The following ZNF189 variants were observed in gnomAD, a reference collection of about 807,000 sequenced individuals.
The protein encoded by ZNF189 is zinc finger protein 189.
ZNF189 carries 33 observed loss-of-function variants against 53.5 expected under a neutral mutation model. The observed-to-expected ratio is 0.62, with a 90% CI of 0.47 to 0.82. The LOEUF (loss-of-function observed/expected upper bound fraction) is 0.82, where lower values mean the gene tolerates loss of function less well. Among genes scored for constraint, ZNF189 ranks in the 40% least tolerant of loss-of-function variants. The pLI, the probability that ZNF189 is intolerant of heterozygous loss-of-function variation, is 0.00. For missense variants in ZNF189, 711 were observed against 753.9 expected, an observed-to-expected ratio of 0.94 and a Z score of 0.67; for synonymous variants, 247 against 238.8, an observed-to-expected ratio of 1.03 and a Z score of -0.32.
intron 2 of ZNF189, among the ~76,000 whole-genome samples, chr9:101,401,920 C>CGTT (rs112917056): frequency 6.6e-6 from 1 of 150,840 alleles, no homozygotes. Context: ...AAATAAGTCC[C>CGTT]ATTTTTTTTT....
At position 101,409,292 on chromosome 9, in the gene ZNF189, T is replaced by G. The variant is rs746831041; in HGVS notation, c.1524T>G (p.Gly508=). The G allele has an allele frequency of 5.6e-6, 9 of 1,614,016 alleles. No homozygotes were observed. Among genetic ancestry groups the G allele is most frequent in the Non-Finnish European group, 6.8e-6 (8 of 1,180,016 alleles). Residue 508 remains glycine, a synonymous_variant, in exon 3 of 3, where the codon GGT becomes GGG. Transcript: ENST00000339664. ...TTGAACATCAGAGAATCCACACTGG[T>G]GAGAGACCCTATCTGTGCAGACAGT... The part of the protein sequence containing the change: ...FLIEHQRIHT[G]ERPYLCRQCG...
chr9:101,409,895 A>G lies in ZNF189; in HGVS notation c.*246A>G. The G allele has an allele frequency of 2.3e-6, 1 of 441,588 alleles. No individual in the cohort carries two copies. Among genetic ancestry groups the G allele is most frequent in the South Asian group, 3.0e-5 (1 of 32,794 alleles). The allele number at this position is 441,588 out of a possible 1,614,324, so 27.4% of individuals were successfully genotyped here. ...ATCTTTAATAAATCTTTCAGCAGAG[A>G]GATTAAACCTAGGTTCAGAGCATGG... On this transcript the variant is annotated 3_prime_UTR_variant, in exon 3 of 3. Coordinates refer to ENST00000339664, the MANE Select transcript of ZNF189 (RefSeq NM_003452.4).
intron 2 of ZNF189, among the ~76,000 whole-genome samples, chr9:101,406,779 G>A (rs988275495): frequency 1.3e-5 from 2 of 152,166 alleles, no homozygotes; most frequent in African/African-American, 4.8e-5. Flanking sequence ...TCCAGCAAGA[G>A]ATGGAAAATC....
chr9:101,407,075 T>A (rs1039660588), intron 2 of ZNF189, among the ~76,000 whole-genome samples: 5 of 152,260 alleles, frequency 3.3e-5, no homozygotes, highest in Non-Finnish European at 7.3e-5. Flanking sequence ...ATACTTATTT[T>A]ATTCTGCATC....
At chr9:101,407,812 G>T in intron 2 of ZNF189, 117 bp from the exon 3 acceptor site, 3 of 1,077,754 alleles carry the variant, frequency 2.8e-6, no homozygotes, top group Non-Finnish European at 3.9e-6. Flanking sequence ...TGTTTTCCTT[G>T]ATAGACTGAT....
At position 101,408,212 on chromosome 9, in the gene ZNF189, TAA is replaced by T; in HGVS notation, c.446_447del (p.Lys149MetfsTer2). On this transcript the variant is annotated frameshift_variant, in exon 3 of 3. Transcript: ENST00000339664. LOFTEE classifies it high-confidence loss of function. ...KRPNSEEKCH[K>X]CEECGKGFVR... ...GACCAAACTCAGAAGAGAAATGCCA[TAA>T]ATGTGAAGAATGTGGAAAGGGTTTT... 6.2e-7 allele frequency: 1 copy of T among 1,614,132 alleles called. No individual in the cohort carries two copies. Among genetic ancestry groups the T allele is most frequent in the Non-Finnish European group, 8.5e-7 (1 of 1,180,008 alleles).
Position 101,408,343 on chromosome 9 carries a change from T to C in ZNF189, c.575T>C (p.Ile192Thr), listed in dbSNP as rs1322155447. 9 of 1,614,052 alleles carry C rather than the reference T, an allele frequency of 5.6e-6. No individual in the cohort carries two copies. Among genetic ancestry groups the C allele is most frequent in the East Asian group, 2.2e-5 (1 of 44,880 alleles). Residue 192 changes from isoleucine (I) to threonine (T), a missense_variant, in exon 3 of 3, where the codon ATT becomes ACT. Ile to Thr is a moderately conservative substitution (Grantham distance 89). Transcript: ENST00000339664. ...GKSFSRSSFV[I>T]EHQRIHTGER... ...AGTTTTAGTCGCAGTTCATTTGTTA[T>C]TGAACATCAGAGAATTCACACTGGG...
chr9:101,408,859 G>A lies in ZNF189; in HGVS notation c.1091G>A (p.Arg364Lys). 6.2e-7 allele frequency: 1 copy of A among 1,614,146 alleles called. No individual in the cohort carries two copies. Among genetic ancestry groups the A allele is most frequent in the Non-Finnish European group, 8.5e-7 (1 of 1,180,020 alleles). ...SRSSFLIEHQ[R>K]IHTGERPYQC... ...AGCTCATTCCTTATTGAACATCAGA[G>A]GATCCATACTGGTGAAAGACCTTAT... is the stretch of plus-strand genomic sequence containing the variant. Residue 364 changes from arginine (R) to lysine (K), a missense_variant, in exon 3 of 3, where the codon AGG (arginine) becomes AAG (lysine). Coordinates refer to ENST00000339664, the MANE Select transcript of ZNF189 (RefSeq NM_003452.4).
chr9:101,409,708 GTA>G lies in ZNF189; in HGVS notation c.*61_*62del. Reference sequence around the variant, plus strand: ...AGACTAGTACCCAAGTGCAGTTTTAGTATGGCTCAACATGGGTCAGATTTAGT... The same window carrying G: ...AGACTAGTACCCAAGTGCAGTTTTAGTGGCTCAACATGGGTCAGATTTAGT... On this transcript the variant is annotated 3_prime_UTR_variant, in exon 3 of 3. Transcript: ENST00000339664. 1.3e-6 allele frequency: 2 copies of G among 1,524,436 alleles called. No individual in the cohort carries two copies. Among genetic ancestry groups the G allele is most frequent in the Non-Finnish European group, 1.8e-6 (2 of 1,141,862 alleles). 94.4% of individuals were successfully genotyped at this position (1,524,436 alleles called of 1,614,324 possible). A position where few individuals can be genotyped will look rare whatever the true frequency, so the allele number is the denominator to read the frequency against.
Position 101,406,842 on chromosome 9 carries a change from A to G in ZNF189, c.161-1087A>G, listed in dbSNP as rs117438344. ...GTACTATATGACACTCTGTTATATC[A>G]TAGACCACTGTGCTGTCTTTTCTTC... On this transcript the variant is annotated intron_variant, in intron 2 of 2. Transcript: ENST00000339664. 5.9e-3 allele frequency among the ~76,000 whole-genome samples: 901 copies of G among 152,330 alleles called. 1 individual carries two copies. The highest frequency in any genetic ancestry group is 9.5e-3 in the Non-Finnish European group (645 of 68,014).
chr9:101,401,311 C>T (rs1427458796), intron 2 of ZNF189, among the ~76,000 whole-genome samples: 2 of 152,168 alleles, frequency 1.3e-5, no homozygotes, highest in Non-Finnish European at 2.9e-5. Flanking sequence ...AGTAGTGAAG[C>T]TCACCTTCTG....
chr9:101,409,256 C>A lies in ZNF189; in HGVS notation c.1488C>A (p.Ser496Arg), dbSNP rs1288240626. ...CTVCGKSFSR[S>R]SFLIEHQRIH... is the part of the protein sequence containing the mutation. ...TCTGTGGGAAAAGCTTCAGCCGGAG[C>A]TCATTTCTTATTGAACATCAGAGAA... The change falls in exon 3 of 3, where the codon AGC (serine) becomes AGA (arginine). Residue 496 changes from serine (S) to arginine (R), a missense_variant. Coordinates refer to ENST00000339664, the MANE Select transcript of ZNF189 (RefSeq NM_003452.4). 6.2e-7 allele frequency: 1 copy of A among 1,613,434 alleles called. No individual in the cohort carries two copies.
intron 1 of ZNF189, chr9:101,399,638 G>T (rs1362252408): frequency 4.6e-6 from 6 of 1,296,452 alleles, no homozygotes; most frequent in Non-Finnish European, 6.0e-6. Flanking sequence ...AGAGGCCTTG[G>T]GGCAGTTTAC....
Position 101,410,121 on chromosome 9 carries a change from A to C in ZNF189, c.*472A>C, listed in dbSNP as rs915692832. Reference sequence around the variant, plus strand: ...AAGGAAACAAAGCCCAAATGTTTTTAAAACAAGTATACAGTTTTTGTCATT... The same window carrying C: ...AAGGAAACAAAGCCCAAATGTTTTTCAAACAAGTATACAGTTTTTGTCATT... On this transcript the variant is annotated 3_prime_UTR_variant, in exon 3 of 3. Coordinates refer to ENST00000339664, the MANE Select transcript of ZNF189 (RefSeq NM_003452.4). 1.3e-5 allele frequency: 2 copies of C among 154,084 alleles called. No homozygotes were observed. Among genetic ancestry groups the C allele is most frequent in the Non-Finnish European group, 2.9e-5 (2 of 69,328 alleles). 9.5% of individuals were successfully genotyped at this position (154,084 alleles called of 1,614,324 possible).
intron 1 of ZNF189, 25 bp from the exon 2 acceptor site, chr9:101,399,859 G>T: frequency 6.2e-7 from 1 of 1,613,728 alleles, no homozygotes; most frequent in South Asian, 1.1e-5. Context: ...AACAGGAACT[G>T]ACTACAGAAA....
rs748153603 is a variant in ZNF189, at chr9:101,408,320, T to C, written c.552T>C (p.Ser184=). The C allele has an allele frequency of 9.6e-5, 155 of 1,613,844 alleles. No homozygotes were observed. Among genetic ancestry groups the C allele is most frequent in the Non-Finnish European group, 1.3e-4 (151 of 1,179,980 alleles). The part of the protein sequence containing the change: ...KPFQCNECGK[S]FSRSSFVIEH... Reference sequence around the variant, plus strand: ...TTCAGTGCAATGAATGTGGGAAAAGTTTTAGTCGCAGTTCATTTGTTATTG... The same window carrying C: ...TTCAGTGCAATGAATGTGGGAAAAGCTTTAGTCGCAGTTCATTTGTTATTG... The change falls in exon 3 of 3, where the codon AGT becomes AGC. Residue 184 remains serine (S), a synonymous_variant. Coordinates refer to ENST00000339664, the MANE Select transcript of ZNF189 (RefSeq NM_003452.4).
chr9:101,407,558 T>TA (rs1182027986), intron 2 of ZNF189: 12 of 405,966 alleles, frequency 3.0e-5, no homozygotes, highest in Non-Finnish European at 5.2e-5. Flanking sequence ...TCTGGCTAAT[T>TA]AAAAAAAAAT....
chr9:101,402,537 A>C (rs1322261408), intron 2 of ZNF189, among the ~76,000 whole-genome samples: 1 of 152,198 alleles, frequency 6.6e-6, no homozygotes, highest in Non-Finnish European at 1.5e-5. Context: ...TGAGTAATTC[A>C]AACCTGGCAA....
chr9:101,406,055 CA>C (rs5899441), intron 2 of ZNF189, among the ~76,000 whole-genome samples: 1,537 of 124,968 alleles, frequency 0.012, 13 homozygotes, highest in African/African-American at 0.036. Flanking sequence ...AACTCTGTCT[CA>C]AAAAAAAAAA....
Sources: gnomAD v4.1 joint callset for allele counts (sites outside exome capture counted in the v4.1 genomes callset) on GRCh38, gnomAD v4.1.1 for gene constraint, MANE v1.5 for transcripts, NCBI Gene and HGNC (gene_info 2026-07-23, HGNC 2026-07-21) for gene names.